Variants in SHISA6 observed in about 807,000 individuals in gnomAD.
SHISA6 encodes protein shisa-6.
In SHISA6, 22 loss-of-function variants were observed where a neutral mutation model predicts 47.9. That is an observed-to-expected ratio of 0.46 (90% CI 0.33 to 0.66). The LOEUF is 0.66. Ranked by LOEUF, SHISA6 falls within the 30% of genes least tolerant of loss-of-function variation. SHISA6 has a pLI of 0.02. For missense variants in SHISA6, 680 were observed against 764.6 expected (o/e 0.89, Z 1.30); for synonymous variants, 388 against 337.8 (o/e 1.15, Z -1.63).
Position 11,551,890 on chromosome 17 carries a change from T to C in SHISA6, c.896-6T>C. On this transcript the variant is annotated splice_region_variant and splice_polypyrimidine_tract_variant and intron_variant, in intron 3 of 5. Coordinates refer to ENST00000441885, the MANE Select transcript of SHISA6 (RefSeq NM_207386.4). ...TCTTTAAAAATTTCTTTTCTATGAT[T>C]TTCAGGTGATCATCAATATAACCAT... is the stretch of plus-strand genomic sequence containing the variant. The C allele has an allele frequency of 6.4e-7, 1 of 1,551,592 alleles. No homozygotes were observed. The highest frequency in any genetic ancestry group is 8.7e-7 in the Non-Finnish European group (1 of 1,146,904).
chr17:11,388,057 C>G (rs1913252034), intron 3 of SHISA6, among the ~76,000 whole-genome samples: 1 of 152,140 alleles, frequency 6.6e-6, no homozygotes, highest in South Asian at 2.1e-4. Context: ...CTGCCACCCC[C>G]ACACCAGGAT....
chr17:11,453,396 C>T (rs1032938366), intron 3 of SHISA6, among the ~76,000 whole-genome samples: 5 of 152,202 alleles, frequency 3.3e-5, no homozygotes, highest in Non-Finnish European at 5.9e-5. Flanking sequence ...AGGAGTTTAT[C>T]GTCCTTGCTT....
At position 11,557,667 on chromosome 17, in the gene SHISA6, T is replaced by A; in HGVS notation, c.1106-87T>A. 6 of 1,309,228 alleles carry A rather than the reference T, an allele frequency of 4.6e-6. No homozygotes were observed. The South Asian group carries it at 9.1e-5, about 20-fold the overall frequency. 81.1% of individuals were successfully genotyped at this position (1,309,228 alleles called of 1,614,324 possible). ...TCCCTTAAGGTTGACAGGTCTGTGA[T>A]GGAGCAGGAGCGGGGCAGGGTTCTA... On this transcript the variant is annotated intron_variant, in intron 5 of 5. Transcript: ENST00000441885.
At chr17:11,336,262 G>C (rs1283120461) in intron 2 of SHISA6, among the ~76,000 whole-genome samples, 2 of 152,076 alleles carry the variant, frequency 1.3e-5, no homozygotes. Flanking sequence ...TGTTAGCTAA[G>C]TCCATAAGTT....
intron 2 of SHISA6, among the ~76,000 whole-genome samples, chr17:11,347,277 CA>C (rs1437533986): frequency 2.6e-5 from 4 of 151,934 alleles, no homozygotes; most frequent in Non-Finnish European, 4.4e-5. Flanking sequence ...ACAACAACAG[CA>C]GCAGCACAAG....
chr17:11,522,370 C>T (rs894345189), intron 3 of SHISA6, among the ~76,000 whole-genome samples: 1 of 152,078 alleles, frequency 6.6e-6, no homozygotes, highest in African/African-American at 2.4e-5. Context: ...CTTCAGTGAT[C>T]GTTCAGCCTC....
chr17:11,257,452 G>A (rs1257148933), intron 1 of SHISA6, among the ~76,000 whole-genome samples: 2 of 151,998 alleles, frequency 1.3e-5, no homozygotes, highest in Admixed American at 6.6e-5. Context: ...CCTGAGTTTC[G>A]GAGTCCGAGA....
At chr17:11,507,840 C>A (rs1275812657) in intron 3 of SHISA6, among the ~76,000 whole-genome samples, 1 of 152,212 alleles carries the variant, frequency 6.6e-6, no homozygotes, top group African/African-American at 2.4e-5. Context: ...TGCATAACAT[C>A]CTCATCCTTT....
chr17:11,291,039 T>C (rs1015376274), intron 2 of SHISA6, among the ~76,000 whole-genome samples: 1 of 151,624 alleles, frequency 6.6e-6, no homozygotes, highest in Admixed American at 6.6e-5. Flanking sequence ...CATTAATTTA[T>C]TAATAATAAA....
rs1339946580 is a variant in SHISA6 at position 11,561,837 on chromosome 17, T to A, written c.*3533T>A. On this transcript the variant is annotated 3_prime_UTR_variant, in exon 6 of 6. Coordinates refer to ENST00000441885, the MANE Select transcript of SHISA6 (RefSeq NM_207386.4). ...ATAAGACATTCTTTCGGTCTTCTGT[T>A]TGCCTCACTGGTGTATCCTTCATCT... 6.6e-6 allele frequency: 1 copy of A among 152,132 alleles called. No homozygotes were observed. 9.4% of individuals were successfully genotyped at this position (152,132 alleles called of 1,614,324 possible).
chr17:11,558,516 T>G lies in SHISA6; in HGVS notation c.*212T>G. 1 of 597,376 alleles carries G rather than the reference T, an allele frequency of 1.7e-6. No homozygotes were observed. The highest frequency in any genetic ancestry group is 3.0e-5 in the Admixed American group (1 of 33,258). The allele number at this position is 597,376 out of a possible 1,614,324, so 37.0% of individuals were successfully genotyped here. A position where few individuals can be genotyped will look rare whatever the true frequency, so the allele number is the denominator to read the frequency against. ...CACTTAGACCCAGGACCAAGAGCAA[T>G]CGCTCTTGCTCCTCCAGAAGAATCA... is the stretch of plus-strand genomic sequence containing the variant. On this transcript the variant is annotated 3_prime_UTR_variant, in exon 6 of 6. Transcript: ENST00000441885.
intron 3 of SHISA6, among the ~76,000 whole-genome samples, chr17:11,507,078 G>T (rs978833604): frequency 1.3e-5 from 2 of 152,138 alleles, no homozygotes; most frequent in African/African-American, 2.4e-5. Flanking sequence ...AAGTTACTCG[G>T]CCTGTCCTAC....
chr17:11,302,195 C>T (rs1909951641), intron 2 of SHISA6, among the ~76,000 whole-genome samples: 1 of 152,134 alleles, frequency 6.6e-6, no homozygotes, highest in African/African-American at 2.4e-5. Flanking sequence ...CAAACCATAT[C>T]AGGCCTAGAG....
intron 3 of SHISA6, among the ~76,000 whole-genome samples, chr17:11,392,635 C>T (rs967565741): frequency 1.3e-5 from 2 of 152,208 alleles, no homozygotes; most frequent in African/African-American, 4.8e-5. Context: ...TTTGCAGCCA[C>T]CAGAATCGTG....
At chr17:11,319,800 C>T in intron 2 of SHISA6, among the ~76,000 whole-genome samples, 1 of 152,218 alleles carries the variant, frequency 6.6e-6, no homozygotes. Context: ...TCATTGGAGA[C>T]AGACATGAAT....
intron 2 of SHISA6, among the ~76,000 whole-genome samples, chr17:11,291,669 T>C (rs980897632): frequency 2.0e-5 from 3 of 151,938 alleles, no homozygotes; most frequent in Admixed American, 1.3e-4. Context: ...CAAAGCACCA[T>C]GGATTTATTT....
chr17:11,305,806 T>C (rs893536229), intron 2 of SHISA6, among the ~76,000 whole-genome samples: 2 of 151,972 alleles, frequency 1.3e-5, no homozygotes, highest in Non-Finnish European at 2.9e-5. Flanking sequence ...TCACGTCTGC[T>C]TATGTCTCGG....
chr17:11,283,198 C>T (rs1453569635), intron 2 of SHISA6, among the ~76,000 whole-genome samples: 1 of 152,132 alleles, frequency 6.6e-6, no homozygotes, highest in Non-Finnish European at 1.5e-5. Context: ...CAATAAATTG[C>T]ATTTATATAG....
intron 2 of SHISA6, among the ~76,000 whole-genome samples, chr17:11,298,628 G>T (rs1487356299): frequency 6.6e-6 from 1 of 152,212 alleles, no homozygotes; most frequent in Non-Finnish European, 1.5e-5. Context: ...GCTGGGGAAT[G>T]TGCTAGGCAG....
Sources: allele counts gnomAD v4.1 joint callset (sites outside exome capture counted in the v4.1 genomes callset), GRCh38; gene constraint gnomAD v4.1.1; transcripts MANE v1.5; gene names NCBI Gene and HGNC (gene_info 2026-07-23, HGNC 2026-07-21).